Variants in DHX29 observed in about 807,000 individuals in gnomAD.
DHX29 encodes the protein DExH-box helicase 29.
In DHX29, 79 loss-of-function variants were observed where a neutral mutation model predicts 167.9. The ratio of observed to expected loss-of-function variants is 0.47; its 90% CI spans 0.39 to 0.57. The LOEUF is 0.57. Among genes scored for constraint, DHX29 ranks in the 20% least tolerant of loss-of-function variants. The probability of loss-of-function intolerance (pLI) is 0.00; values close to 1 mark genes in which losing one functional copy is unlikely to be tolerated. For synonymous variants in DHX29, 530 were observed against 546.0 expected (o/e 0.97, Z 0.41); for missense variants, 1,347 against 1,593.4 (o/e 0.85, Z 2.63).
chr5:55,300,119 C>T (rs1006693853), intron 1 of DHX29, among the ~76,000 whole-genome samples: 40 of 152,164 alleles, frequency 2.6e-4, no homozygotes, highest in African/African-American at 8.7e-4. Flanking sequence ...TGCCTGTAAT[C>T]CCAGCACTTT....
At chr5:55,262,972 AT>A in intron 23 of DHX29, 40 bp from the exon 24 acceptor site, 1 of 1,428,460 alleles carries the variant, frequency 7.0e-7, no homozygotes, top group Non-Finnish European at 9.7e-7. Flanking sequence ...AATCAAATTG[AT>A]TAGAGGAATT....
chr5:55,297,466 A>T, intron 2 of DHX29, 68 bp from the exon 3 acceptor site: 1 of 718,040 alleles, frequency 1.4e-6, no homozygotes. Context: ...CCAATCATAC[A>T]GTTTTCTATA....
chr5:55,268,768 G>A (rs1313643469), intron 21 of DHX29, among the ~76,000 whole-genome samples: 1 of 152,126 alleles, frequency 6.6e-6, no homozygotes, highest in South Asian at 2.1e-4. Context: ...GACATAATTT[G>A]AGAAAAGAGA....
At chr5:55,269,336 A>G (rs1746736031) in intron 21 of DHX29, 77 bp downstream of exon 21, 7 of 1,450,422 alleles carry the variant, frequency 4.8e-6, no homozygotes, top group Non-Finnish European at 4.7e-6. Flanking sequence ...ATTTTTACTT[A>G]ACAATTGTTT....
intron 1 of DHX29, among the ~76,000 whole-genome samples, chr5:55,306,451 A>G (rs1748865596): frequency 1.3e-5 from 2 of 152,132 alleles, no homozygotes; most frequent in African/African-American, 2.4e-5. Flanking sequence ...ATCCCGAGAA[A>G]AATTAGATTA....
intron 14 of DHX29, among the ~76,000 whole-genome samples, chr5:55,275,757 GTA>G (rs1288690223): frequency 9.2e-5 from 14 of 152,044 alleles, no homozygotes; most frequent in African/African-American, 3.4e-4. Flanking sequence ...ATGTATGTAT[GTA>G]TGTATGTATG....
rs1746796329 is a variant in DHX29 at position 55,270,445 on chromosome 5, A to G, written c.3036T>C (p.Arg1012=). Residue 1012 remains arginine (R), a synonymous_variant, in exon 20 of 27, where the codon CGT becomes CGC. Transcript: ENST00000251636. The part of the protein sequence containing the change: ...FMDYSVPEIL[R]VPLEELCLHI... ...GAAGGCATAATTCCTCCAAAGGTACACGTAAGATTTCAGGAACAGAATAAT... is the reference window on the plus strand; with the variant it reads ...GAAGGCATAATTCCTCCAAAGGTACGCGTAAGATTTCAGGAACAGAATAAT... The G allele has an allele frequency of 6.2e-7, 1 of 1,612,416 alleles. No homozygotes were observed. The highest frequency in any genetic ancestry group is 8.5e-7 in the Non-Finnish European group (1 of 1,179,452).
rs763481701 is a variant in DHX29, at chr5:55,296,272, A to G, written c.453T>C (p.Tyr151=). Residue 151 remains tyrosine (Y), a synonymous_variant, in exon 4 of 27, where the codon TAT becomes TAC. Transcript: ENST00000251636. ...CCAAGGCAGAATGAAGGTCACCTCCATATAAGAGTGTATTGGTCATGGCAT... is the reference window on the plus strand; with the variant it reads ...CCAAGGCAGAATGAAGGTCACCTCCGTATAAGAGTGTATTGGTCATGGCAT... ...IEDAMTNTLL[Y]GGDLHSALDW... 1 of 1,613,700 alleles carries G rather than the reference A, an allele frequency of 6.2e-7. No homozygotes were observed. Among genetic ancestry groups the G allele is most frequent in the Non-Finnish European group, 8.5e-7 (1 of 1,179,758 alleles).
At chr5:55,277,991 T>C (rs1747209895) in intron 12 of DHX29, among the ~76,000 whole-genome samples, 1 of 148,960 alleles carries the variant, frequency 6.7e-6, no homozygotes, top group South Asian at 2.2e-4. Context: ...CTGCCACTAA[T>C]ATAAAACTAT....
chr5:55,305,714 A>T (rs531802582), intron 1 of DHX29, among the ~76,000 whole-genome samples: 18 of 152,364 alleles, frequency 1.2e-4, no homozygotes, highest in Admixed American at 2.0e-4. Flanking sequence ...GGAAAAACAG[A>T]AACAAGGAAG....
At chr5:55,269,311 T>C (rs1746735179) in intron 21 of DHX29, 102 bp downstream of exon 21, 8 of 1,073,394 alleles carry the variant, frequency 7.5e-6, no homozygotes, top group Non-Finnish European at 9.5e-6. Context: ...ATAGACATTC[T>C]ATTTAGTTAA....
rs192104229 is a variant in DHX29, at chr5:55,268,481, G to A, written c.3295-659C>T. ...GTTCTGTTGCCCAGGCTGGGGTGCAGTGGCCCAATCATAGCTCACTGCCCC... is the reference window on the plus strand; with the variant it reads ...GTTCTGTTGCCCAGGCTGGGGTGCAATGGCCCAATCATAGCTCACTGCCCC... On this transcript the variant is annotated intron_variant, in intron 21 of 26. Coordinates refer to ENST00000251636, the MANE Select transcript of DHX29 (RefSeq NM_019030.4). Among the ~76,000 whole-genome samples, 24 of 152,272 alleles carry A rather than the reference G, an allele frequency of 1.6e-4. No homozygotes were observed. The East Asian group carries it at 4.2e-3, about 27-fold the overall frequency.
intron 6 of DHX29, 118 bp downstream of exon 6, chr5:55,293,899 A>C: frequency 2.7e-6 from 3 of 1,100,232 alleles, no homozygotes; most frequent in Non-Finnish European, 3.8e-6. Context: ...TTTAATCTTC[A>C]CATCAACCCC....
At chr5:55,287,817 C>T (rs1179412948) in intron 8 of DHX29, among the ~76,000 whole-genome samples, 5 of 151,440 alleles carry the variant, frequency 3.3e-5, no homozygotes, top group African/African-American at 1.2e-4. Flanking sequence ...GGCGTGGTGG[C>T]ACACGCCTGT....
rs1746886900 is a variant in DHX29 at position 55,272,176 on chromosome 5, C to G, written c.2776-1G>C. 3 of 1,554,106 alleles carry G rather than the reference C, an allele frequency of 1.9e-6. No homozygotes were observed. The highest frequency in any genetic ancestry group is 2.6e-6 in the Non-Finnish European group (3 of 1,148,070). On this transcript the variant is annotated splice_acceptor_variant, in intron 17 of 26. Coordinates refer to ENST00000251636, the MANE Select transcript of DHX29 (RefSeq NM_019030.4). LOFTEE classifies it high-confidence loss of function. The stretch of plus-strand genomic sequence containing the variant: ...CTGCAATATTGGTTGCTAAAACAAT[C>G]TGAAAATAAACAAAAAGCTTAAAAC...
In DHX29 at chr5:55,261,204, A is replaced by T. The variant is rs180976431; in HGVS notation, c.3960+164T>A. ...AATAGCAATATAATTTGATTTCCAAATTTAACAGATTTAAAACCACAGAGG... is the reference window on the plus strand; with the variant it reads ...AATAGCAATATAATTTGATTTCCAATTTTAACAGATTTAAAACCACAGAGG... On this transcript the variant is annotated intron_variant, in intron 25 of 26. Transcript: ENST00000251636. Among the ~76,000 whole-genome samples, 203 of 152,332 alleles carry T rather than the reference A, an allele frequency of 1.3e-3. 2 individuals carry two copies. In the Middle Eastern group the frequency reaches 0.024, roughly 18 times the overall value.
intron 24 of DHX29, among the ~76,000 whole-genome samples, chr5:55,262,148 C>T (rs1460286562): frequency 1.3e-5 from 2 of 152,242 alleles, no homozygotes; most frequent in East Asian, 3.9e-4. Flanking sequence ...ATGGAGTGGT[C>T]ATGCAGCTCC....
At chr5:55,292,243 G>A (rs1748086837) in intron 6 of DHX29, among the ~76,000 whole-genome samples, 2 of 152,004 alleles carry the variant, frequency 1.3e-5, no homozygotes, top group Admixed American at 1.3e-4. Context: ...GTATGCCATT[G>A]TGGTTTTGAT....
At chr5:55,289,248 G>T in intron 8 of DHX29, 22 bp downstream of exon 8, 1 of 1,516,026 alleles carries the variant, frequency 6.6e-7, no homozygotes, top group South Asian at 1.4e-5. Context: ...ATTACACCCT[G>T]ACCATCTTCC....
Sources: gnomAD v4.1 joint callset for allele counts (sites outside exome capture counted in the v4.1 genomes callset) on GRCh38, gnomAD v4.1.1 for gene constraint, MANE v1.5 for transcripts, NCBI Gene and HGNC (gene_info 2026-07-23, HGNC 2026-07-21) for gene names.